The following TRIM42 variants were observed in gnomAD, a reference collection of about 807,000 sequenced individuals.
The protein encoded by TRIM42 is tripartite motif-containing protein 42.
TRIM42 carries 59 observed loss-of-function variants against 64.9 expected under a neutral mutation model. The observed-to-expected ratio is 0.91, with a 90% CI of 0.74 to 1.13. The LOEUF is 1.13. Ranked by LOEUF, TRIM42 falls within the 50% of genes most tolerant of loss-of-function variation. The pLI is 0.00. For synonymous variants in TRIM42, 354 were observed against 346.3 expected (o/e 1.02, Z -0.25); for missense variants, 878 against 929.5 (o/e 0.94, Z 0.72).
rs952196979 is a variant in TRIM42, at chr3:140,687,725, G to A, written c.1043G>A (p.Arg348Gln). Residue 348 changes from arginine (R) to glutamine (Q), a missense_variant, in exon 3 of 5, where the codon CGA (arginine) becomes CAA (glutamine). Coordinates refer to ENST00000286349, the MANE Select transcript of TRIM42 (RefSeq NM_152616.5). ...FSAIAKFKAVRYEIDNDLMEF... is the reference protein window; with the variant it reads ...FSAIAKFKAVQYEIDNDLMEF... ...AACTAACTTGGCATTTTTGCAGTCC[G>A]ATATGAAATTGATAATGACCTAATG... 1.0e-5 allele frequency: 16 copies of A among 1,599,358 alleles called. No individual in the cohort carries two copies. The highest frequency in any genetic ancestry group is 9.5e-5 in the African/African-American group (7 of 73,850).
intron 1 of TRIM42, among the ~76,000 whole-genome samples, chr3:140,680,078 G>C (rs1024630627): frequency 3.9e-5 from 6 of 152,112 alleles, no homozygotes; most frequent in Non-Finnish European, 8.8e-5. Context: ...GGAGACAGAG[G>C]GGGCTGTGCA....
intron 4 of TRIM42, among the ~76,000 whole-genome samples, chr3:140,697,628 A>T (rs1339176995): frequency 6.6e-6 from 1 of 152,128 alleles, no homozygotes; most frequent in Non-Finnish European, 1.5e-5. Context: ...AATATCTATT[A>T]TTCATATTTA....
intron 4 of TRIM42, among the ~76,000 whole-genome samples, chr3:140,697,769 C>T (rs955287670): frequency 3.9e-5 from 6 of 152,160 alleles, no homozygotes; most frequent in Non-Finnish European, 7.4e-5. Context: ...CTGCAAGCTC[C>T]GCCTCCTGGG....
chr3:140,701,089 T>C lies in TRIM42; in HGVS notation c.*115T>C. 3.6e-6 allele frequency: 3 copies of C among 831,672 alleles called. No homozygotes were observed. Among genetic ancestry groups the C allele is most frequent in the Non-Finnish European group, 5.4e-6 (3 of 551,152 alleles). The allele number at this position is 831,672 out of a possible 1,614,324, so 51.5% of individuals were successfully genotyped here. A position where few individuals can be genotyped will look rare whatever the true frequency, so the allele number is the denominator to read the frequency against. On this transcript the variant is annotated 3_prime_UTR_variant, in exon 5 of 5. Coordinates refer to ENST00000286349, the MANE Select transcript of TRIM42 (RefSeq NM_152616.5). ...CTTCAAGGAGGTTGTAGACAAATGTTTCCATGACCTCTCAGCTTTCCAACA... is the reference window on the plus strand; with the variant it reads ...CTTCAAGGAGGTTGTAGACAAATGTCTCCATGACCTCTCAGCTTTCCAACA...
At chr3:140,685,005 A>G (rs1471226477) in intron 2 of TRIM42, among the ~76,000 whole-genome samples, 1 of 152,234 alleles carries the variant, frequency 6.6e-6, no homozygotes, top group Non-Finnish European at 1.5e-5. Flanking sequence ...TCCAAATTCC[A>G]GGAAACCCAG....
chr3:140,697,684 TA>T (rs1335496210), intron 4 of TRIM42, among the ~76,000 whole-genome samples: 2 of 152,198 alleles, frequency 1.3e-5, no homozygotes, highest in African/African-American at 4.8e-5. Flanking sequence ...TTTGTTTGTT[TA>T]TTTTTTGTTT....
chr3:140,697,110 A>T (rs1446746671), intron 4 of TRIM42, among the ~76,000 whole-genome samples: 2 of 152,218 alleles, frequency 1.3e-5, no homozygotes, highest in African/African-American at 4.8e-5. Flanking sequence ...TTATTATTTT[A>T]AATTTCATTT....
At chr3:140,683,364 G>T (rs111290187) in intron 2 of TRIM42, among the ~76,000 whole-genome samples, 14 of 152,274 alleles carry the variant, frequency 9.2e-5, no homozygotes, top group African/African-American at 3.4e-4. Context: ...ACTTCCCCGT[G>T]CCTTGCTTTT....
In TRIM42 at chr3:140,691,009, G is replaced by C; in HGVS notation, c.1902G>C (p.Glu634Asp). 6.2e-7 allele frequency: 1 copy of C among 1,614,066 alleles called. No individual in the cohort carries two copies. Among genetic ancestry groups the C allele is most frequent in the Non-Finnish European group, 8.5e-7 (1 of 1,179,984 alleles). Reference sequence around the variant, plus strand: ...CAGCAGAAGACGTGGACTCTTTTGAGATGGAATTCTATGAAGTCATTACTT... The same window carrying C: ...CAGCAGAAGACGTGGACTCTTTTGACATGGAATTCTATGAAGTCATTACTT... ...TCPAEDVDSFEMEFYEVITSP... is the reference protein window; with the variant it reads ...TCPAEDVDSFDMEFYEVITSP... The change falls in exon 4 of 5, where the codon GAG becomes GAC. Residue 634 changes from glutamate (E) to aspartate (D), a missense_variant. Coordinates refer to ENST00000286349, the MANE Select transcript of TRIM42 (RefSeq NM_152616.5).
chr3:140,690,973 C>A lies in TRIM42; in HGVS notation c.1866C>A (p.Tyr622Ter). The stretch of plus-strand genomic sequence containing the variant: ...TATGTTCATTTCTTCCATAGGTTTA[C>A]TGGACATGTCCAGCAGAAGACGTGG... ...TLVYPRAAKV[Y>*]WTCPAEDVDS... Residue 622 changes from tyrosine to a stop codon, truncating the protein, a stop_gained, in exon 4 of 5, where the codon TAC (tyrosine) becomes TAA (stop). Coordinates refer to ENST00000286349, the MANE Select transcript of TRIM42 (RefSeq NM_152616.5). LOFTEE classifies it high-confidence loss of function. 1 of 1,612,544 alleles carries A rather than the reference C, an allele frequency of 6.2e-7. No homozygotes were observed. The highest frequency in any genetic ancestry group is 1.3e-5 in the African/African-American group (1 of 74,992).
Position 140,683,031 on chromosome 3 carries a change from A to G in TRIM42, c.911A>G (p.Asn304Ser), listed in dbSNP as rs1009292362. 3.7e-6 allele frequency: 6 copies of G among 1,614,198 alleles called. No individual in the cohort carries two copies. The highest frequency in any genetic ancestry group is 1.6e-4 in the Middle Eastern group (1 of 6,062). Residue 304 changes from asparagine to serine, a missense_variant, in exon 2 of 5, where the codon AAT becomes AGT. Asn to Ser is a conservative substitution (Grantham distance 46). Coordinates refer to ENST00000286349, the MANE Select transcript of TRIM42 (RefSeq NM_152616.5). Reference sequence around the variant, plus strand: ...AGCCGCATCATCGAGTACTGCCGCAATGACAACAAATTGCTCTGCACCTTC... The same window carrying G: ...AGCCGCATCATCGAGTACTGCCGCAGTGACAACAAATTGCTCTGCACCTTC... Reference protein sequence around the residue: ...PSSRIIEYCRNDNKLLCTFCK... With the variant: ...PSSRIIEYCRSDNKLLCTFCK...
rs1177233752 is a variant in TRIM42 at position 140,691,175 on chromosome 3, T to C, written c.2068T>C (p.Trp690Arg). The stretch of plus-strand genomic sequence containing the variant: ...CATCAATGATAATGGTCCTGGGCAA[T>C]GGAGTGATATCTGCAAGGTATTGTG... ...RAINDNGPGQWSDICKVVTPD... is the reference protein window; with the variant it reads ...RAINDNGPGQRSDICKVVTPD... Residue 690 changes from tryptophan to arginine, a missense_variant, in exon 4 of 5, where the codon TGG becomes CGG. Coordinates refer to ENST00000286349, the MANE Select transcript of TRIM42 (RefSeq NM_152616.5). 1.2e-6 allele frequency: 2 copies of C among 1,613,982 alleles called. No homozygotes were observed. The highest frequency in any genetic ancestry group is 1.7e-6 in the Non-Finnish European group (2 of 1,179,958).
At chr3:140,700,691 A>G (rs111590070) in intron 4 of TRIM42, among the ~76,000 whole-genome samples, 197 bp from the exon 5 acceptor site, 33 of 152,326 alleles carry the variant, frequency 2.2e-4, no homozygotes, top group African/African-American at 7.7e-4. Context: ...CCAGGACACT[A>G]TAGCTGTGGG....
chr3:140,691,442 G>A (rs1413400331), intron 4 of TRIM42, among the ~76,000 whole-genome samples: 2 of 152,314 alleles, frequency 1.3e-5, no homozygotes, highest in Admixed American at 6.5e-5. Flanking sequence ...TAGAGATTCA[G>A]AGGAAAATAA....
intron 4 of TRIM42, 125 bp from the exon 5 acceptor site, chr3:140,700,763 A>G: frequency 1.3e-6 from 1 of 791,188 alleles, no homozygotes; most frequent in Non-Finnish European, 2.0e-6. Flanking sequence ...AGTGGCACCA[A>G]CAGCCACTGT....
intron 4 of TRIM42, among the ~76,000 whole-genome samples, chr3:140,696,187 T>C (rs1007114317): frequency 1.3e-5 from 2 of 152,234 alleles, no homozygotes; most frequent in African/African-American, 2.4e-5. Flanking sequence ...CATTCTAATA[T>C]GTTTTATGTG....
intron 1 of TRIM42, 133 bp from the exon 2 acceptor site, chr3:140,682,329 T>C (rs1360010150): frequency 1.2e-6 from 1 of 830,776 alleles, no homozygotes; most frequent in Non-Finnish European, 1.9e-6. Flanking sequence ...CGCAGGCACC[T>C]TAGCGCCCAG....
Position 140,683,005 on chromosome 3 carries a change from C to T in TRIM42, c.885C>T (p.Ser295=). The T allele has an allele frequency of 3.1e-6, 5 of 1,614,242 alleles. No individual in the cohort carries two copies. The highest frequency in any genetic ancestry group is 4.2e-6 in the Non-Finnish European group (5 of 1,180,046). Residue 295 remains serine (S), a synonymous_variant, in exon 2 of 5, where the codon TCC becomes TCT. Coordinates refer to ENST00000286349, the MANE Select transcript of TRIM42 (RefSeq NM_152616.5). ...QDEKICIHHP[S]SRIIEYCRND... Reference sequence around the variant, plus strand: ...AGAAGATCTGCATCCACCACCCATCCAGCCGCATCATCGAGTACTGCCGCA... The same window carrying T: ...AGAAGATCTGCATCCACCACCCATCTAGCCGCATCATCGAGTACTGCCGCA...
intron 2 of TRIM42, among the ~76,000 whole-genome samples, chr3:140,684,464 T>C (rs192644663): frequency 1.3e-5 from 2 of 152,266 alleles, no homozygotes; most frequent in South Asian, 2.1e-4. Context: ...TCTGTTAGTC[T>C]CCATCATTCA....
Sources: allele counts gnomAD v4.1 joint callset (sites outside exome capture counted in the v4.1 genomes callset), GRCh38; gene constraint gnomAD v4.1.1; transcripts MANE v1.5; gene names NCBI Gene and HGNC (gene_info 2026-07-23, HGNC 2026-07-21).